NFKB1: variants seen among roughly 807,000 people sequenced by gnomAD.
The protein encoded by NFKB1 is nuclear factor NF-kappa-B p105 subunit.
In NFKB1, 9 loss-of-function variants were observed where a neutral mutation model predicts 105.1. That is an observed-to-expected ratio of 0.09 (90% confidence interval 0.05 to 0.15). The LOEUF is 0.15. Among genes scored for constraint, NFKB1 ranks in the 10% least tolerant of loss-of-function variants. The pLI is 1.00. For missense variants in NFKB1, 830 were observed against 1,203.7 expected, an observed-to-expected ratio of 0.69 and a Z score of 4.59; for synonymous variants, 440 against 442.2, an observed-to-expected ratio of 1.00 and a Z score of 0.06.
chr4:102,523,924 C>T (rs1740730427), intron 1 of NFKB1, among the ~76,000 whole-genome samples: 1 of 151,998 alleles, frequency 6.6e-6, no homozygotes, highest in Non-Finnish European at 1.5e-5. Flanking sequence ...GTCACATTTC[C>T]AGCTACAATA....
rs558348827 is a variant in NFKB1 at position 102,579,000 on chromosome 4, C to T, written c.691C>T (p.Arg231Cys). 1.9e-5 allele frequency: 31 copies of T among 1,613,950 alleles called. No individual in the cohort carries two copies. The highest frequency in any genetic ancestry group is 2.7e-5 in the African/African-American group (2 of 74,888). The change falls in exon 8 of 24, where the codon CGC becomes TGC. Residue 231 changes from arginine to cysteine, a missense_variant. This residue lies in a region of NFKB1 where 80 missense variants were observed against 122.6 expected (regional missense o/e 0.65). Coordinates refer to ENST00000226574, the MANE Select transcript of NFKB1 (RefSeq NM_003998.4). The stretch of plus-strand genomic sequence containing the variant: ...GGATAGCACTGGCAGCTTCACAAGG[C>T]GCCTGGAACCCGTGGTATCAGACGC... ...LPDSTGSFTRRLEPVVSDAIY... is the reference protein window; with the variant it reads ...LPDSTGSFTRCLEPVVSDAIY...
intron 1 of NFKB1, among the ~76,000 whole-genome samples, chr4:102,519,045 T>G (rs960400608): frequency 6.6e-6 from 1 of 152,058 alleles, no homozygotes; most frequent in African/African-American, 2.4e-5. Flanking sequence ...TAAAAAAAAG[T>G]GTGGCCATTG....
chr4:102,606,593 A>C lies in NFKB1; in HGVS notation c.1850A>C (p.Asn617Thr). 2 of 1,613,998 alleles carry C rather than the reference A, an allele frequency of 1.2e-6. No homozygotes were observed. The highest frequency in any genetic ancestry group is 1.7e-6 in the Non-Finnish European group (2 of 1,180,002). The change falls in exon 17 of 24, where the codon AAC (asparagine) becomes ACC (threonine). Residue 617 changes from asparagine to threonine, a missense_variant. Transcript: ENST00000226574. ...CTGAGCCTTCTGGACCGCTTGGGTA[A>C]CTCTGTTTTGCACCTAGCTGCCAAA... ...ADLSLLDRLGNSVLHLAAKEG... is the reference protein window; with the variant it reads ...ADLSLLDRLGTSVLHLAAKEG...
At chr4:102,536,625 G>T (rs1741655655) in intron 4 of NFKB1, among the ~76,000 whole-genome samples, 1 of 152,112 alleles carries the variant, frequency 6.6e-6, no homozygotes, top group Non-Finnish European at 1.5e-5. Flanking sequence ...TTTTACATTT[G>T]TTCATGAGCT....
chr4:102,502,245 T>C (rs1410632087), intron 1 of NFKB1: 1 of 152,248 alleles, frequency 6.6e-6, no homozygotes, highest in Non-Finnish European at 1.5e-5. Context: ...TGCTTGTCAG[T>C]CCTCTTGGCT....
chr4:102,504,467 G>A (rs921843153), intron 1 of NFKB1, among the ~76,000 whole-genome samples: 2 of 152,138 alleles, frequency 1.3e-5, no homozygotes, highest in Admixed American at 1.3e-4. Context: ...TGTTTACAAG[G>A]TGAATTGTCT....
At chr4:102,551,219 G>A (rs1447441857) in intron 5 of NFKB1, among the ~76,000 whole-genome samples, 1 of 152,196 alleles carries the variant, frequency 6.6e-6, no homozygotes, top group African/African-American at 2.4e-5. Flanking sequence ...ACACATGAAT[G>A]TGATCATCTT....
intron 2 of NFKB1, among the ~76,000 whole-genome samples, chr4:102,525,766 C>T (rs1038259811): frequency 3.9e-5 from 6 of 152,100 alleles, no homozygotes; most frequent in Non-Finnish European, 1.5e-5. Context: ...CATATTGTTG[C>T]ACAAAAATTG....
intron 4 of NFKB1, 57 bp from the exon 5 acceptor site, chr4:102,537,801 C>A: frequency 9.6e-7 from 1 of 1,040,842 alleles, no homozygotes; most frequent in Non-Finnish European, 1.5e-6. Flanking sequence ...ACCTTTGTTG[C>A]CGTAATTTTT....
At chr4:102,524,366 T>G (rs1183482224) in intron 1 of NFKB1, among the ~76,000 whole-genome samples, 1 of 152,092 alleles carries the variant, frequency 6.6e-6, no homozygotes, top group African/African-American at 2.4e-5. Flanking sequence ...AGGACTTTTA[T>G]TTTTGTATTT....
chr4:102,584,639 AAAT>A, intron 10 of NFKB1, 40 bp from the exon 11 acceptor site: 1 of 1,522,392 alleles, frequency 6.6e-7, no homozygotes, highest in Non-Finnish European at 8.8e-7. Context: ...AAAAAAAAAA[AAAT>A]GTAGTCCTAC....
intron 5 of NFKB1, among the ~76,000 whole-genome samples, chr4:102,551,831 AAATT>A (rs1722641711): frequency 6.6e-6 from 1 of 152,218 alleles, no homozygotes; most frequent in South Asian, 2.1e-4. Flanking sequence ...ATTTGAATTC[AAATT>A]AATTTTGAAA....
In NFKB1 at chr4:102,594,854, T is replaced by C. The variant is rs756755497; in HGVS notation, c.1211-38T>C. 3 of 1,447,396 alleles carry C rather than the reference T, an allele frequency of 2.1e-6. No homozygotes were observed. The African/African-American group carries it at 4.2e-5, about 20-fold the overall frequency. 89.7% of individuals were successfully genotyped at this position (1,447,396 alleles called of 1,614,324 possible). ...AGTTGTGCTGAGTCTTTGTAAAATATCTTCATGATGTTTCATTTGTTTTAC... is the reference window on the plus strand; with the variant it reads ...AGTTGTGCTGAGTCTTTGTAAAATACCTTCATGATGTTTCATTTGTTTTAC... On this transcript the variant is annotated intron_variant, in intron 12 of 23. Coordinates refer to ENST00000226574, the MANE Select transcript of NFKB1 (RefSeq NM_003998.4).
At chr4:102,512,704 C>G (rs985874755) in intron 1 of NFKB1, among the ~76,000 whole-genome samples, 2 of 152,054 alleles carry the variant, frequency 1.3e-5, no homozygotes, top group Non-Finnish European at 2.9e-5. Flanking sequence ...CTTCATGGAG[C>G]CTGATTTTGA....
intron 8 of NFKB1, among the ~76,000 whole-genome samples, chr4:102,579,863 TACA>T (rs1179545314): frequency 9.2e-5 from 14 of 151,612 alleles, no homozygotes; most frequent in Non-Finnish European, 1.6e-4. Flanking sequence ...GTGCTCCAAG[TACA>T]ACAACTAACT....
At chr4:102,587,709 AC>A (rs916415494) in intron 11 of NFKB1, among the ~76,000 whole-genome samples, 1 of 152,144 alleles carries the variant, frequency 6.6e-6, no homozygotes, top group Admixed American at 6.5e-5. Flanking sequence ...CTGGAGAAAT[AC>A]TTACCCATTG....
intron 1 of NFKB1, among the ~76,000 whole-genome samples, chr4:102,508,908 T>C (rs1385450325): frequency 6.6e-6 from 1 of 152,198 alleles, no homozygotes; most frequent in Non-Finnish European, 1.5e-5. Context: ...TATCTCATGG[T>C]TGAGAAATAC....
intron 20 of NFKB1, 103 bp downstream of exon 20, chr4:102,610,802 T>G: frequency 7.4e-7 from 1 of 1,357,400 alleles, no homozygotes; most frequent in Non-Finnish European, 9.9e-7. Context: ...CCAAAGAACA[T>G]GCCTTTTATT....
At chr4:102,529,495 A>G (rs986511304) in intron 2 of NFKB1, among the ~76,000 whole-genome samples, 3 of 152,190 alleles carry the variant, frequency 2.0e-5, no homozygotes, top group Non-Finnish European at 4.4e-5. Context: ...TTCAACAACT[A>G]TTTAAGTATC....
Sources: allele counts gnomAD v4.1 joint callset (sites outside exome capture counted in the v4.1 genomes callset), GRCh38; gene constraint gnomAD v4.1.1; regional missense constraint gnomAD v4.1.1; transcripts MANE v1.5; gene names NCBI Gene and HGNC (gene_info 2026-07-23, HGNC 2026-07-21).